Variants in NTNG1 observed in about 807,000 individuals in gnomAD.
NTNG1 encodes the protein netrin G1.
Under a neutral mutation model 54.0 loss-of-function variants are expected in NTNG1, and 16 were observed. The ratio of observed to expected loss-of-function variants is 0.30; its 90% CI spans 0.20 to 0.45. The LOEUF (loss-of-function observed/expected upper bound fraction) is 0.45. Ranked by LOEUF, NTNG1 falls within the 20% of genes least tolerant of loss-of-function variation. The pLI is 1.00. For missense variants in NTNG1, 530 were observed against 678.7 expected (o/e 0.78, Z 2.43); for synonymous variants, 255 against 263.1 (o/e 0.97, Z 0.30).
chr1:107,386,147 GTGTATA>G (rs1194183835), intron 3 of NTNG1, among the ~76,000 whole-genome samples: 1 of 94,438 alleles, frequency 1.1e-5, no homozygotes, highest in Non-Finnish European at 2.3e-5. Context: ...ATATATATGT[GTGTATA>G]TATATATATA....
chr1:107,371,970 A>G (rs1670944904), intron 3 of NTNG1, among the ~76,000 whole-genome samples: 2 of 152,048 alleles, frequency 1.3e-5, no homozygotes, highest in Admixed American at 6.5e-5. Context: ...GTCAGCCCTC[A>G]AAAACATTTT....
At chr1:107,153,439 T>A (rs1473830932) in intron 2 of NTNG1, among the ~76,000 whole-genome samples, 1 of 152,210 alleles carries the variant, frequency 6.6e-6, no homozygotes, top group African/African-American at 2.4e-5. Flanking sequence ...AGTAAATGAA[T>A]GAAGTTTTAG....
chr1:107,235,525 C>T lies in NTNG1; in HGVS notation c.246+86686C>T, dbSNP rs528824886. Among the ~76,000 whole-genome samples the T allele has an allele frequency of 1.3e-5, 2 of 152,182 alleles. 1 individual carries two copies. The highest frequency in any genetic ancestry group is 2.9e-5 in the Non-Finnish European group (2 of 68,040). ...GGAACCTCAGCCTCTGGTCCCCACACTTTCATGGGCTTTACCTTCAGGAGC... is the reference window on the plus strand; with the variant it reads ...GGAACCTCAGCCTCTGGTCCCCACATTTTCATGGGCTTTACCTTCAGGAGC... On this transcript the variant is annotated intron_variant, in intron 2 of 7. Transcript: ENST00000370068.
At chr1:107,336,094 A>G (rs1263878495) in intron 3 of NTNG1, among the ~76,000 whole-genome samples, 3 of 151,868 alleles carry the variant, frequency 2.0e-5, no homozygotes, top group African/African-American at 7.3e-5. Context: ...TAAAATTCAT[A>G]TAGAATTTTA....
At chr1:107,337,265 A>G (rs762829900) in intron 3 of NTNG1, among the ~76,000 whole-genome samples, 4 of 152,046 alleles carry the variant, frequency 2.6e-5, no homozygotes, top group Non-Finnish European at 5.9e-5. Context: ...ATACAGTGGA[A>G]TTTTATTTAG....
chr1:107,314,525 G>T (rs758524054), intron 2 of NTNG1, among the ~76,000 whole-genome samples: 37 of 152,222 alleles, frequency 2.4e-4, no homozygotes, highest in Middle Eastern at 6.8e-3. Flanking sequence ...AAATGAGTGA[G>T]TATTGCCTAC....
At chr1:107,209,286 G>A (rs1271168332) in intron 2 of NTNG1, among the ~76,000 whole-genome samples, 1 of 151,602 alleles carries the variant, frequency 6.6e-6, no homozygotes, top group African/African-American at 2.4e-5. Flanking sequence ...ACTTTTTTTG[G>A]TCTATTCAAG....
intron 2 of NTNG1, among the ~76,000 whole-genome samples, chr1:107,312,902 G>A (rs967021847): frequency 3.3e-5 from 5 of 150,284 alleles, no homozygotes; most frequent in African/African-American, 4.9e-5. Flanking sequence ...TTTTTTTCCT[G>A]AGCCATTTGA....
At chr1:107,157,490 C>A (rs1655087530) in intron 2 of NTNG1, among the ~76,000 whole-genome samples, 2 of 152,168 alleles carry the variant, frequency 1.3e-5, no homozygotes, top group South Asian at 2.1e-4. Flanking sequence ...ATTATATTCT[C>A]ACATTTTCTT....
At chr1:107,261,645 C>T (rs1663339034) in intron 2 of NTNG1, among the ~76,000 whole-genome samples, 1 of 152,130 alleles carries the variant, frequency 6.6e-6, no homozygotes. Flanking sequence ...AGATCGAGAC[C>T]ATCCTGGCTA....
intron 2 of NTNG1, among the ~76,000 whole-genome samples, chr1:107,208,800 C>T (rs1397759925): frequency 6.6e-6 from 1 of 152,126 alleles, no homozygotes; most frequent in Non-Finnish European, 1.5e-5. Flanking sequence ...TGGGGGCTTA[C>T]CTTCCAGTTC....
At chr1:107,473,094 TC>T (rs1485781549) in intron 7 of NTNG1, among the ~76,000 whole-genome samples, 1 of 152,168 alleles carries the variant, frequency 6.6e-6, no homozygotes, top group Non-Finnish European at 1.5e-5. Flanking sequence ...CTCTCAGCAA[TC>T]CTGGGCTTGT....
chr1:107,209,251 T>C (rs1659433325), intron 2 of NTNG1, among the ~76,000 whole-genome samples: 1 of 152,044 alleles, frequency 6.6e-6, no homozygotes, highest in Non-Finnish European at 1.5e-5. Context: ...ACTATGTGGA[T>C]CTCTTTTGAT....
chr1:107,267,556 A>G lies in NTNG1; in HGVS notation c.247-56726A>G, dbSNP rs140837005. ...ACGTCTATCAATTCTAACTTCTTTC[A>G]GATCTACCTAATCCTCTCAAATTCC... On this transcript the variant is annotated intron_variant, in intron 2 of 7. Coordinates refer to ENST00000370068, the MANE Select transcript of NTNG1 (RefSeq NM_001113226.3). 3.4e-4 allele frequency among the ~76,000 whole-genome samples: 52 copies of G among 152,288 alleles called. No individual in the cohort carries two copies. The East Asian group carries it at 9.5e-3, about 28-fold the overall frequency.
At chr1:107,362,952 C>T (rs1048923546) in intron 3 of NTNG1, among the ~76,000 whole-genome samples, 7 of 152,114 alleles carry the variant, frequency 4.6e-5, no homozygotes, top group African/African-American at 1.7e-4. Context: ...GTGCCTCGCC[C>T]TTTCCCTCCC....
At chr1:107,226,630 A>G (rs1660707650) in intron 2 of NTNG1, among the ~76,000 whole-genome samples, 1 of 152,058 alleles carries the variant, frequency 6.6e-6, no homozygotes, top group South Asian at 2.1e-4. Context: ...CCAGGGGTGA[A>G]ATTCAGTGGT....
intron 3 of NTNG1, among the ~76,000 whole-genome samples, chr1:107,361,478 C>T (rs1433443714): frequency 4.7e-5 from 7 of 148,864 alleles, no homozygotes; most frequent in East Asian, 2.0e-4. Flanking sequence ...CAACCTCTGC[C>T]TCCTGGGTCA....
At chr1:107,273,598 G>A (rs953715869) in intron 2 of NTNG1, among the ~76,000 whole-genome samples, 4 of 152,096 alleles carry the variant, frequency 2.6e-5, no homozygotes, top group African/African-American at 4.8e-5. Context: ...TGCCTCATGC[G>A]GTGACTTATA....
intron 2 of NTNG1, among the ~76,000 whole-genome samples, chr1:107,303,869 T>C (rs939574318): frequency 4.6e-5 from 7 of 152,078 alleles, no homozygotes; most frequent in African/African-American, 7.2e-5. Flanking sequence ...TGTATGATAG[T>C]ACAAACGGGG....
Sources: allele counts gnomAD v4.1 joint callset (sites outside exome capture counted in the v4.1 genomes callset), GRCh38; gene constraint gnomAD v4.1.1; transcripts MANE v1.5; gene names NCBI Gene and HGNC (gene_info 2026-07-23, HGNC 2026-07-21).